Variants in MEIOB observed in about 807,000 individuals in gnomAD.
The protein encoded by MEIOB is meiosis-specific with OB domain-containing protein.
In MEIOB, 50 loss-of-function variants were observed where a neutral mutation model predicts 53.1. That is an observed-to-expected ratio of 0.94 (90% confidence interval 0.75 to 1.19). The LOEUF is 1.19. Among genes scored for constraint, MEIOB ranks in the 50% most tolerant of loss-of-function variants. MEIOB has a pLI of 0.00. For synonymous variants in MEIOB, 192 were observed against 182.5 expected (o/e 1.05, Z -0.42); for missense variants, 551 against 550.8 (o/e 1.00, Z 0.00).
chr16:1,855,155 C>T (rs561818750), intron 6 of MEIOB, among the ~76,000 whole-genome samples: 46 of 152,218 alleles, frequency 3.0e-4, no homozygotes, highest in African/African-American at 9.2e-4. Context: ...GAAGAGTGGC[C>T]GGGAGGGGTG....
At chr16:1,853,821 G>A (rs1423154094) in intron 7 of MEIOB, among the ~76,000 whole-genome samples, 1 of 152,090 alleles carries the variant, frequency 6.6e-6, no homozygotes, top group Non-Finnish European at 1.5e-5. Flanking sequence ...CTTGTTCCAT[G>A]GGACCTAATA....
At chr16:1,856,876 A>G (rs906623916) in intron 6 of MEIOB, among the ~76,000 whole-genome samples, 1 of 142,980 alleles carries the variant, frequency 7.0e-6, no homozygotes, top group African/African-American at 2.6e-5. Flanking sequence ...TGATCCTCCC[A>G]CTTCAGCCTC....
chr16:1,864,745 C>T (rs1899541876), intron 3 of MEIOB, among the ~76,000 whole-genome samples: 1 of 152,096 alleles, frequency 6.6e-6, no homozygotes, highest in South Asian at 2.1e-4. Flanking sequence ...ACCTCAGCCT[C>T]CCAAACTGCT....
At chr16:1,835,928 C>T (rs1198495564) in intron 13 of MEIOB, among the ~76,000 whole-genome samples, 2 of 148,656 alleles carry the variant, frequency 1.3e-5, no homozygotes, top group Non-Finnish European at 1.5e-5. Flanking sequence ...GGTGAGATCT[C>T]GGCTCACTGC....
intron 9 of MEIOB, among the ~76,000 whole-genome samples, chr16:1,850,852 C>T (rs934153485): frequency 1.3e-4 from 20 of 151,744 alleles, no homozygotes; most frequent in Admixed American, 1.2e-3. Flanking sequence ...ACCCGGGAGG[C>T]GGAGCTTGCA....
At chr16:1,835,739 AGTCT>A (rs774079920) in intron 13 of MEIOB, among the ~76,000 whole-genome samples, 24 of 152,340 alleles carry the variant, frequency 1.6e-4, no homozygotes, top group African/African-American at 4.6e-4. Context: ...ATCCCCATGA[AGTCT>A]GTCTGAGTGA....
chr16:1,839,200 GA>G, intron 12 of MEIOB, 54 bp downstream of exon 12: 2 of 1,470,880 alleles, frequency 1.4e-6, no homozygotes, highest in Non-Finnish European at 1.8e-6. Flanking sequence ...ATTTTTTTGG[GA>G]AAAAGCATTC....
At chr16:1,867,996 C>T in intron 2 of MEIOB, 111 bp downstream of exon 2, 1 of 607,662 alleles carries the variant, frequency 1.6e-6, no homozygotes, top group Non-Finnish European at 3.0e-6. Context: ...CAATGAGTAT[C>T]TATATACTTG....
At chr16:1,843,578 A>T (rs2142081462) in intron 10 of MEIOB, 1 of 151,996 alleles carries the variant, frequency 6.6e-6, no homozygotes, top group Non-Finnish European at 1.5e-5. Flanking sequence ...TGTGCCCGTA[A>T]TCCCAGCTAC....
At chr16:1,848,665 C>T (rs1899083782) in intron 9 of MEIOB, among the ~76,000 whole-genome samples, 1 of 151,652 alleles carries the variant, frequency 6.6e-6, no homozygotes, top group Non-Finnish European at 1.5e-5. Context: ...GCCTTAGCCT[C>T]CCTAGTAGCT....
At chr16:1,858,752 C>G (rs140908696) in intron 5 of MEIOB, among the ~76,000 whole-genome samples, 2 of 152,292 alleles carry the variant, frequency 1.3e-5, no homozygotes, top group East Asian at 3.9e-4. Context: ...CCAGCCGTAT[C>G]AGACTATTAC....
At chr16:1,852,715 C>T (rs1185188276) in intron 9 of MEIOB, among the ~76,000 whole-genome samples, 2 of 151,408 alleles carry the variant, frequency 1.3e-5, no homozygotes, top group Non-Finnish European at 2.9e-5. Flanking sequence ...ACCACCAAGC[C>T]CAGCTAATTT....
Position 1,842,623 on chromosome 16 carries a change from C to CAAAAAAAAAAAAAA in MEIOB, c.881-651_881-650insTTTTTTTTTTTTTT, listed in dbSNP as rs202147878. Among the ~76,000 whole-genome samples the CAAAAAAAAAAAAAA allele has an allele frequency of 6.2e-4, 61 of 97,782 alleles. 4 individuals are homozygous for CAAAAAAAAAAAAAA. Among genetic ancestry groups the CAAAAAAAAAAAAAA allele is most frequent in the African/African-American group, 1.8e-3 (45 of 24,640 alleles). 64.1% of individuals were successfully genotyped at this position (97,782 alleles called of 152,430 possible). A position where few individuals can be genotyped will look rare whatever the true frequency, so the allele number is the denominator to read the frequency against. On this transcript the variant is annotated intron_variant, in intron 10 of 13. Coordinates refer to ENST00000325962, the MANE Select transcript of MEIOB (RefSeq NM_001163560.3). ...GGGCAACAAGAGCAAAACTCCATCT[C>CAAAAAAAAAAAAAA]AAAAAGACAGTGACTCGATTTTTTT...
chr16:1,866,630 G>C (rs1303312696), intron 2 of MEIOB, among the ~76,000 whole-genome samples: 1 of 152,102 alleles, frequency 6.6e-6, no homozygotes, highest in Non-Finnish European at 1.5e-5. Context: ...GCTGAGGCAG[G>C]AGAATCGCTT....
At position 1,839,309 on chromosome 16, in the gene MEIOB, G is replaced by C. The variant is rs201609657; in HGVS notation, c.1164C>G (p.Thr388=). 13 of 1,614,072 alleles carry C rather than the reference G, an allele frequency of 8.1e-6. No homozygotes were observed. The East Asian group carries it at 2.7e-4, about 33-fold the overall frequency. Residue 388 remains threonine (T), a synonymous_variant, in exon 12 of 14, where the codon ACC becomes ACG. Transcript: ENST00000325962. ...VLIDLTDHTG[T]LHSCSLTGSV... is the part of the protein sequence containing the mutation. ...TTCCTGTGAGACTACAGGAATGAAG[G>C]GTGCCTGTGTGATCAGTCAGATCAA...
intron 1 of MEIOB, among the ~76,000 whole-genome samples, chr16:1,870,327 A>T (rs1784161168): frequency 2.0e-5 from 3 of 152,192 alleles, no homozygotes; most frequent in Admixed American, 6.6e-5. Flanking sequence ...TCATCACTCT[A>T]AAAGGTTCTA....
chr16:1,861,691 C>T (rs570754360), intron 4 of MEIOB, among the ~76,000 whole-genome samples: 33 of 151,918 alleles, frequency 2.2e-4, no homozygotes, highest in Admixed American at 9.8e-4. Flanking sequence ...TACAGGCCCA[C>T]GCCACCACAC....
chr16:1,866,792 C>T (rs1406595290), intron 2 of MEIOB, among the ~76,000 whole-genome samples: 1 of 152,046 alleles, frequency 6.6e-6, no homozygotes, highest in African/African-American at 2.4e-5. Context: ...AAAAACTAAA[C>T]TTATTTTGCT....
At chr16:1,845,616 T>C (rs527964708) in intron 9 of MEIOB, among the ~76,000 whole-genome samples, 21 of 152,298 alleles carry the variant, frequency 1.4e-4, no homozygotes, top group African/African-American at 4.1e-4. Context: ...GATCTTTGTT[T>C]TCCTTGTTTA....
Sources: allele counts gnomAD v4.1 joint callset (sites outside exome capture counted in the v4.1 genomes callset), GRCh38; gene constraint gnomAD v4.1.1; transcripts MANE v1.5; gene names NCBI Gene and HGNC (gene_info 2026-07-23, HGNC 2026-07-21).